SLC22A23: variants seen among roughly 807,000 people sequenced by gnomAD.
The protein encoded by SLC22A23 is solute carrier family 22 member 23, also known as ion transporter protein.
SLC22A23 carries 26 observed loss-of-function variants against 61.0 expected under a neutral mutation model. The ratio of observed to expected loss-of-function variants is 0.43; its 90% CI spans 0.31 to 0.59. The LOEUF (loss-of-function observed/expected upper bound fraction) is 0.59, where lower values mean the gene tolerates loss of function less well. Among genes scored for constraint, SLC22A23 ranks in the 20% least tolerant of loss-of-function variants. The pLI is 0.11. For synonymous variants in SLC22A23, 430 were observed against 413.9 expected (o/e 1.04, Z -0.47); for missense variants, 796 against 934.7 (o/e 0.85, Z 1.94).
intron 9 of SLC22A23, among the ~76,000 whole-genome samples, chr6:3,281,796 C>T (rs561880217): frequency 3.9e-5 from 6 of 152,088 alleles, no homozygotes; most frequent in Admixed American, 1.3e-4. Flanking sequence ...GTCAGGAACG[C>T]TAGACATTCT....
intron 3 of SLC22A23, among the ~76,000 whole-genome samples, chr6:3,376,006 C>T (rs1404764279): frequency 6.6e-6 from 1 of 152,142 alleles, no homozygotes; most frequent in East Asian, 1.9e-4. Flanking sequence ...CATTAGGAAG[C>T]CTCTTCCATA....
rs116216021 is a variant in SLC22A23 at position 3,417,648 on chromosome 6, C to T, written c.655-1793G>A. On this transcript the variant is annotated intron_variant, in intron 1 of 9. Coordinates refer to ENST00000406686, the MANE Select transcript of SLC22A23 (RefSeq NM_015482.2). ...CAGGCCCACTGAATGAAGACTCCTG[C>T]AGGTAAGCACAGCAGTGTGGTTCGG... Among the ~76,000 whole-genome samples, 1,027 of 152,326 alleles carry T rather than the reference C, an allele frequency of 6.7e-3. 4 individuals carry two copies. The highest frequency in any genetic ancestry group is 0.011 in the Non-Finnish European group (735 of 68,038).
rs149321576 is a variant in SLC22A23 at position 3,287,025 on chromosome 6, C to T, written c.1380G>A (p.Pro460=). The change falls in exon 7 of 10, where the codon CCG becomes CCA. Residue 460 remains proline, a synonymous_variant. Transcript: ENST00000406686. ...RSMMGHEVKV[P]LLENFYADYY... ...AGTCAGCATAGAAGTTCTCCAGGAG[C>T]GGCACCTTCACCTCGTGGCCCATCA... The T allele has an allele frequency of 9.4e-5, 151 of 1,614,096 alleles. No individual in the cohort carries two copies. The highest frequency in any genetic ancestry group is 1.6e-4 in the Middle Eastern group (1 of 6,084).
At chr6:3,438,432 C>A (rs1771364834) in intron 1 of SLC22A23, 2 of 440,966 alleles carry the variant, frequency 4.5e-6, no homozygotes, top group Admixed American at 5.0e-5. Flanking sequence ...TGCCTGGGCC[C>A]CTGGCGGGAA....
At chr6:3,274,762 T>C (rs1758741908) in intron 9 of SLC22A23, among the ~76,000 whole-genome samples, 1 of 152,304 alleles carries the variant, frequency 6.6e-6, no homozygotes, top group Admixed American at 6.5e-5. Context: ...ATGAATAAAA[T>C]GTTTAGAAAT....
Position 3,456,711 on chromosome 6 carries a change from G to A in SLC22A23, c.-152C>T, listed in dbSNP as rs1772427209. On this transcript the variant is annotated 5_prime_UTR_variant, in exon 1 of 10. It adds an upstream start codon to the 5' untranslated region. Coordinates refer to ENST00000406686, the MANE Select transcript of SLC22A23 (RefSeq NM_015482.2). The surrounding 1 kb of genome is among the most constrained non-coding windows in gnomAD (Gnocchi z 7.1). ...GAGAGCGCTCGGCGGCTCCGGGTGC[G>A]TCAGGCCGCCCCCATGTCACCCGCC... The A allele has an allele frequency of 7.7e-6, 3 of 390,060 alleles. No individual in the cohort carries two copies. The highest frequency in any genetic ancestry group is 6.9e-6 in the Non-Finnish European group (2 of 288,578). The allele number at this position is 390,060 out of a possible 1,614,324, so 24.2% of individuals were successfully genotyped here.
At chr6:3,282,996 G>A (rs1412746510) in intron 9 of SLC22A23, among the ~76,000 whole-genome samples, 1 of 152,198 alleles carries the variant, frequency 6.6e-6, no homozygotes, top group African/African-American at 2.4e-5. Context: ...CTCCACGAGG[G>A]CGGGACTGTG....
rs1762993152 is a variant in SLC22A23 at position 3,322,166 on chromosome 6, G to A, written c.1082+1668C>T. 6.6e-6 allele frequency among the ~76,000 whole-genome samples: 1 copy of A among 152,106 alleles called. No individual in the cohort carries two copies. Among genetic ancestry groups the A allele is most frequent in the Non-Finnish European group, 1.5e-5 (1 of 68,020 alleles). On this transcript the variant is annotated intron_variant, in intron 4 of 9. Coordinates refer to ENST00000406686, the MANE Select transcript of SLC22A23 (RefSeq NM_015482.2). The surrounding 1 kb of genome is among the most constrained non-coding windows in gnomAD (Gnocchi z 4.1). ...GTGAGTCAGCGGGGGTCAGGGGACC[G>A]CGGTTCTGTCCTCTATAGGATGGGC...
chr6:3,269,373 G>A lies in SLC22A23; in HGVS notation c.*3682C>T, dbSNP rs1369678304. On this transcript the variant is annotated 3_prime_UTR_variant, in exon 10 of 10. Transcript: ENST00000406686. ...GCAGTGAGGTCTGAATGAACACGGA[G>A]GATTTTATTACTCACCATTAATGGT... 6.6e-6 allele frequency: 1 copy of A among 152,386 alleles called. No homozygotes were observed. The highest frequency in any genetic ancestry group is 1.9e-4 in the East Asian group (1 of 5,336). 9.4% of individuals were successfully genotyped at this position (152,386 alleles called of 1,614,324 possible). A position where few individuals can be genotyped will look rare whatever the true frequency, so the allele number is the denominator to read the frequency against.
intron 9 of SLC22A23, among the ~76,000 whole-genome samples, chr6:3,277,703 C>T (rs1258236036): frequency 6.6e-6 from 1 of 152,264 alleles, no homozygotes; most frequent in Non-Finnish European, 1.5e-5. Context: ...CCACTGAGAC[C>T]TGGCTGGCAC....
chr6:3,313,844 A>G (rs1459462177), intron 4 of SLC22A23, among the ~76,000 whole-genome samples: 1 of 152,040 alleles, frequency 6.6e-6, no homozygotes, highest in Non-Finnish European at 1.5e-5. Context: ...ACATGGAGAA[A>G]CCCTGTCTCT....
At position 3,443,888 on chromosome 6, in the gene SLC22A23, A is replaced by T. The variant is rs141963453; in HGVS notation, c.654+12018T>A. 1.1e-3 allele frequency among the ~76,000 whole-genome samples: 167 copies of T among 152,238 alleles called. 1 individual carries two copies. The highest frequency in any genetic ancestry group is 3.9e-3 in the African/African-American group (161 of 41,544). ...CCAGTTTGAAGTGGGAACCGAGCTC[A>T]CTTCTGGAGAATGGGATGAGAAGAT... On this transcript the variant is annotated intron_variant, in intron 1 of 9. Transcript: ENST00000406686.
At chr6:3,391,958 GT>G (rs1362703314) in intron 3 of SLC22A23, among the ~76,000 whole-genome samples, 134 of 152,274 alleles carry the variant, frequency 8.8e-4, no homozygotes, top group African/African-American at 3.1e-3. Context: ...GCTGGACACA[GT>G]GCAAGATCAA....
chr6:3,456,605 G>A lies in SLC22A23; in HGVS notation c.-46C>T. 1.0e-6 allele frequency: 1 copy of A among 974,718 alleles called. No homozygotes were observed. The highest frequency in any genetic ancestry group is 1.2e-6 in the Non-Finnish European group (1 of 822,876). The allele number at this position is 974,718 out of a possible 1,614,324, so 60.4% of individuals were successfully genotyped here. The stretch of plus-strand genomic sequence containing the variant: ...GCAGAGGCGCATAGAGCGCGGCGGA[G>A]GCTCCGCGGGCGCCCCGGGCACAGC... On this transcript the variant is annotated 5_prime_UTR_variant, in exon 1 of 10. Coordinates refer to ENST00000406686, the MANE Select transcript of SLC22A23 (RefSeq NM_015482.2). The surrounding 1 kb of genome is among the most constrained non-coding windows in gnomAD (Gnocchi z 7.1).
In SLC22A23 at chr6:3,304,978, G is replaced by A. The variant is rs1460736207; in HGVS notation, c.1083-6760C>T. Among the ~76,000 whole-genome samples the A allele has an allele frequency of 6.6e-6, 1 of 152,068 alleles. No individual in the cohort carries two copies. Among genetic ancestry groups the A allele is most frequent in the Non-Finnish European group, 1.5e-5 (1 of 68,012 alleles). Reference sequence around the variant, plus strand: ...AGCCACGGGACTGGAGTGAACTGAAGTAAAGACAGCACTCCCCAGGAGATC... The same window carrying A: ...AGCCACGGGACTGGAGTGAACTGAAATAAAGACAGCACTCCCCAGGAGATC... On this transcript the variant is annotated intron_variant, in intron 4 of 9. Coordinates refer to ENST00000406686, the MANE Select transcript of SLC22A23 (RefSeq NM_015482.2). This position sits in a 1 kb window ranked among gnomAD's most constrained non-coding sequence, Gnocchi z 4.3.
Position 3,327,464 on chromosome 6 carries a change from G to A in SLC22A23, c.914-3462C>T, listed in dbSNP as rs1409551973. 2.0e-5 allele frequency among the ~76,000 whole-genome samples: 3 copies of A among 152,322 alleles called. No individual in the cohort carries two copies. The highest frequency in any genetic ancestry group is 4.8e-5 in the African/African-American group (2 of 41,576). ...GCCACAAGAAAGTATCTTGGGTGAT[G>A]CATCAAAGATTCAAACATTAAACTA... On this transcript the variant is annotated intron_variant, in intron 3 of 9. Transcript: ENST00000406686. This position sits in a 1 kb window ranked among gnomAD's most constrained non-coding sequence, Gnocchi z 4.1.
chr6:3,367,007 C>G lies in SLC22A23; in HGVS notation c.914-43005G>C, dbSNP rs184431852. ...TAGGCAGTGAGCAGATGAACAAGAA[C>G]TTACTTATATGCAAACATGGCAATC... On this transcript the variant is annotated intron_variant, in intron 3 of 9. Transcript: ENST00000406686. Among the ~76,000 whole-genome samples the G allele has an allele frequency of 4.6e-4, 70 of 152,380 alleles. 1 individual carries two copies. Among genetic ancestry groups the G allele is most frequent in the African/African-American group, 1.6e-3 (65 of 41,590 alleles).
intron 8 of SLC22A23, 149 bp from the exon 9 acceptor site, chr6:3,284,124 A>C (rs1759744971): frequency 1.4e-6 from 1 of 717,482 alleles, no homozygotes; most frequent in Non-Finnish European, 2.2e-6. Flanking sequence ...ACCAAGCAGC[A>C]CCTCAAGGAC....
intron 2 of SLC22A23, among the ~76,000 whole-genome samples, chr6:3,412,569 C>G (rs935833770): frequency 6.6e-6 from 1 of 152,176 alleles, no homozygotes; most frequent in African/African-American, 2.4e-5. Context: ...AGTCCTTGTC[C>G]GTAATGCAGA....
Sources: allele counts gnomAD v4.1 joint callset (sites outside exome capture counted in the v4.1 genomes callset), GRCh38; gene constraint gnomAD v4.1.1; non-coding constraint Gnocchi (gnomAD v3.1); transcripts MANE v1.5; gene names NCBI Gene and HGNC (gene_info 2026-07-23, HGNC 2026-07-21).